NALF1: variants seen among roughly 807,000 people sequenced by gnomAD.
The protein encoded by NALF1 is NALCN channel auxiliary factor 1.
NALF1 carries 3 observed loss-of-function variants against 48.4 expected under a neutral mutation model. That is an observed-to-expected ratio of 0.06 (90% CI 0.03 to 0.16). The LOEUF (loss-of-function observed/expected upper bound fraction) is 0.16. NALF1 is among the 10% of genes least tolerant of loss of function. NALF1 has a pLI of 1.00. For synonymous variants in NALF1, 262 were observed against 245.7 expected, an observed-to-expected ratio of 1.07 and a Z score of -0.62; for missense variants, 526 against 571.5, an observed-to-expected ratio of 0.92 and a Z score of 0.81.
chr13:107,449,128 C>T (rs1000269641), intron 1 of NALF1, among the ~76,000 whole-genome samples: 1 of 152,182 alleles, frequency 6.6e-6, no homozygotes, highest in African/African-American at 2.4e-5. Context: ...CCTATAATCC[C>T]AGCTACGCGG....
At chr13:107,489,580 G>A (rs1032691474) in intron 1 of NALF1, among the ~76,000 whole-genome samples, 8 of 152,126 alleles carry the variant, frequency 5.3e-5, no homozygotes, top group African/African-American at 1.9e-4. Flanking sequence ...GCAGAAAATT[G>A]AAACTAGACC....
chr13:107,370,343 G>A (rs905548156), intron 1 of NALF1, among the ~76,000 whole-genome samples: 1 of 152,156 alleles, frequency 6.6e-6, no homozygotes, highest in East Asian at 1.9e-4. Flanking sequence ...AGATACTCAA[G>A]TTTCTGGAGT....
At chr13:107,304,332 C>T (rs528357285) in intron 1 of NALF1, among the ~76,000 whole-genome samples, 1 of 152,274 alleles carries the variant, frequency 6.6e-6, no homozygotes, top group Admixed American at 6.5e-5. Context: ...TTGAATTTAG[C>T]AGTCATCAAC....
chr13:107,565,465 GA>G (rs1249225788), intron 1 of NALF1, among the ~76,000 whole-genome samples: 1 of 149,612 alleles, frequency 6.7e-6, no homozygotes, highest in Non-Finnish European at 1.5e-5. Context: ...ATGCCCAAAA[GA>G]AAGCAATGTT....
At chr13:107,482,315 T>A (rs1319964947) in intron 1 of NALF1, among the ~76,000 whole-genome samples, 15 of 152,238 alleles carry the variant, frequency 9.9e-5, no homozygotes, top group Middle Eastern at 3.4e-3. Context: ...TATGAGCCAA[T>A]TCTTTACAAC....
chr13:107,228,692 T>A (rs543628571), intron 1 of NALF1, among the ~76,000 whole-genome samples: 1 of 152,304 alleles, frequency 6.6e-6, no homozygotes, highest in East Asian at 1.9e-4. Flanking sequence ...CGATCTCTGC[T>A]CACTGCAACC....
chr13:107,455,856 G>T (rs565650127), intron 1 of NALF1, among the ~76,000 whole-genome samples: 1 of 146,904 alleles, frequency 6.8e-6, no homozygotes, highest in African/African-American at 2.7e-5. Context: ...TTCTTAGCTC[G>T]ATAACTCTTT....
intron 1 of NALF1, among the ~76,000 whole-genome samples, chr13:107,424,136 GTTTA>G (rs924363500): frequency 4.6e-5 from 7 of 151,674 alleles, no homozygotes; most frequent in African/African-American, 1.5e-4. Flanking sequence ...CTATTTACTT[GTTTA>G]TTTATTTATT....
intron 1 of NALF1, among the ~76,000 whole-genome samples, chr13:107,858,804 T>C (rs73589335): frequency 0.031 from 4,666 of 152,310 alleles, 265 homozygotes; most frequent in African/African-American, 0.11. Context: ...GTTGATGTGA[T>C]GATTAAACAA....
At chr13:107,829,904 C>T (rs973771166) in intron 1 of NALF1, among the ~76,000 whole-genome samples, 5 of 152,160 alleles carry the variant, frequency 3.3e-5, no homozygotes, top group Non-Finnish European at 7.3e-5. Flanking sequence ...ACTTCCAATT[C>T]ATGCACAGTA....
rs553759132 is a variant in NALF1, at chr13:107,683,046, G to A, written c.915+182636C>T. On this transcript the variant is annotated intron_variant, in intron 1 of 2. Coordinates refer to ENST00000375915, the MANE Select transcript of NALF1 (RefSeq NM_001080396.3). ...GGGAGGCTGAGGAGGGAGGATTGCC[G>A]GAGCCAGGAGTTCAAGACCAGCCTG... Among the ~76,000 whole-genome samples, 29 of 152,192 alleles carry A rather than the reference G, an allele frequency of 1.9e-4. No individual in the cohort carries two copies. In the East Asian group the frequency reaches 2.9e-3, roughly 15 times the overall value.
At chr13:107,701,806 T>C (rs1406988302) in intron 1 of NALF1, among the ~76,000 whole-genome samples, 2 of 152,220 alleles carry the variant, frequency 1.3e-5, no homozygotes, top group African/African-American at 4.8e-5. Context: ...ACCATTTAAC[T>C]ATATATAATT....
rs550100054 is a variant in NALF1 at position 107,311,070 on chromosome 13, C to T, written c.916-100315G>A. 2.0e-5 allele frequency among the ~76,000 whole-genome samples: 3 copies of T among 152,204 alleles called. No individual in the cohort carries two copies. In the South Asian group the frequency reaches 6.2e-4, roughly 32 times the overall value. The stretch of plus-strand genomic sequence containing the variant: ...GTTAAGAAAAGAAACTCAGAGCTGG[C>T]CAAATATCCTAAGTGACGTTATAAC... On this transcript the variant is annotated intron_variant, in intron 1 of 2. Transcript: ENST00000375915.
chr13:107,788,706 C>G (rs1878144676), intron 1 of NALF1: 1 of 152,196 alleles, frequency 6.6e-6, no homozygotes, highest in Non-Finnish European at 1.5e-5. Flanking sequence ...AGGGGCTTAT[C>G]TGGAGGACCC....
chr13:107,552,266 G>A (rs1877314685), intron 1 of NALF1, among the ~76,000 whole-genome samples: 1 of 152,122 alleles, frequency 6.6e-6, no homozygotes, highest in African/African-American at 2.4e-5. Flanking sequence ...GTCATTGCCT[G>A]CTACAGTCAA....
intron 1 of NALF1, among the ~76,000 whole-genome samples, chr13:107,419,907 G>T (rs543176704): frequency 8.6e-4 from 130 of 152,032 alleles, no homozygotes; most frequent in Non-Finnish European, 1.7e-3. Flanking sequence ...TTTGCCATGC[G>T]GTGTTGAGAC....
At chr13:107,462,607 G>GC (rs967230599) in intron 1 of NALF1, among the ~76,000 whole-genome samples, 1 of 152,200 alleles carries the variant, frequency 6.6e-6, no homozygotes, top group African/African-American at 2.4e-5. Flanking sequence ...ATGAGGACTG[G>GC]CCCCTGCCTG....
chr13:107,638,791 G>C (rs181952389), intron 1 of NALF1, among the ~76,000 whole-genome samples: 21 of 152,210 alleles, frequency 1.4e-4, no homozygotes, highest in Admixed American at 1.3e-3. Context: ...GGCTAGGCAA[G>C]GGCTGTGGGA....
chr13:107,262,769 G>GCGCTCTCTCTCTCTCTCTCTCTCT (rs36027059), intron 1 of NALF1, among the ~76,000 whole-genome samples: 2 of 144,036 alleles, frequency 1.4e-5, no homozygotes, highest in African/African-American at 5.3e-5. Flanking sequence ...ACCCACAGGC[G>GCGCTCTCTCTCTCTCTCTCTCTCT]CTCTCTCTCT....
Sources: allele counts gnomAD v4.1 joint callset (sites outside exome capture counted in the v4.1 genomes callset), GRCh38; gene constraint gnomAD v4.1.1; transcripts MANE v1.5; gene names NCBI Gene and HGNC (gene_info 2026-07-23, HGNC 2026-07-21).